Variants in ATXN7 observed in about 807,000 individuals in gnomAD.
The protein encoded by ATXN7 is ataxin-7.
A neutral mutation model predicts 70.5 loss-of-function variants in ATXN7; 12 were observed. The ratio of observed to expected loss-of-function variants is 0.17; its 90% CI spans 0.11 to 0.28. ATXN7 has a LOEUF of 0.28. ATXN7 is among the 10% of genes least tolerant of loss of function. The pLI is 1.00. For synonymous variants in ATXN7, 498 were observed against 448.7 expected (o/e 1.11, Z -1.39); for missense variants, 1,256 against 1,131.7 (o/e 1.11, Z -1.58).
intron 12 of ATXN7, among the ~76,000 whole-genome samples, chr3:63,996,993 A>G (rs910355475): frequency 6.6e-6 from 1 of 152,244 alleles, no homozygotes; most frequent in East Asian, 1.9e-4. Flanking sequence ...GCAGCGGCTC[A>G]CGCCTATAAT....
rs543778563 is a variant in ATXN7 at position 63,997,525 on chromosome 3, C to G, written c.2661+1042C>G. 68 of 1,037,126 alleles carry G rather than the reference C, an allele frequency of 6.6e-5. No individual in the cohort carries two copies. In the African/African-American group the frequency reaches 1.0e-3, roughly 15 times the overall value. The allele number at this position is 1,037,126 out of a possible 1,614,324, so 64.2% of individuals were successfully genotyped here. A position where few individuals can be genotyped will look rare whatever the true frequency, so the allele number is the denominator to read the frequency against. Reference sequence around the variant, plus strand: ...GCTGTATTTTTGTCTCGTCCCAGCTCTTCTGCCTGTTACTGACCTCACCTG... The same window carrying G: ...GCTGTATTTTTGTCTCGTCCCAGCTGTTCTGCCTGTTACTGACCTCACCTG... On this transcript the variant is annotated intron_variant, in intron 12 of 12. Coordinates refer to ENST00000674280, the MANE Select transcript of ATXN7 (RefSeq NM_001377405.1).
chr3:63,866,908 G>A (rs1023211949), intron 1 of ATXN7: 1 of 150,578 alleles, frequency 6.6e-6, no homozygotes, highest in African/African-American at 2.4e-5. Flanking sequence ...TTCAGACTTT[G>A]AACTTGTATG....
intron 1 of ATXN7, among the ~76,000 whole-genome samples, chr3:63,872,905 C>T (rs1177795772): frequency 1.3e-5 from 2 of 151,978 alleles, no homozygotes; most frequent in Non-Finnish European, 2.9e-5. Context: ...GTAACCTGCC[C>T]TAGAGCTTTT....
intron 1 of ATXN7, among the ~76,000 whole-genome samples, chr3:63,884,459 A>AG (rs1703019644): frequency 1.3e-5 from 2 of 152,166 alleles, no homozygotes; most frequent in Non-Finnish European, 2.9e-5. Context: ...TCATATAAAC[A>AG]TATAAACAAA....
chr3:63,879,097 C>A (rs1702831613), intron 1 of ATXN7, among the ~76,000 whole-genome samples: 1 of 152,120 alleles, frequency 6.6e-6, no homozygotes, highest in African/African-American at 2.4e-5. Context: ...ATTTCACTTT[C>A]ATCATTTTAT....
chr3:63,912,661 CGG>C lies in ATXN7; in HGVS notation c.64_65del (p.Gly22SerfsTer66). 1 of 1,042,664 alleles carries C rather than the reference CGG, an allele frequency of 9.6e-7. No individual in the cohort carries two copies. The highest frequency in any genetic ancestry group is 1.2e-6 in the Non-Finnish European group (1 of 864,908). 64.6% of individuals were successfully genotyped at this position (1,042,664 alleles called of 1,614,324 possible). On this transcript the variant is annotated frameshift_variant, in exon 3 of 13. Transcript: ENST00000674280. LOFTEE classifies it high-confidence loss of function. ...EPRRAAAAAGGAAAAAARQQQ... is the reference protein window; with the variant it reads ...EPRRAAAAAGXAAAAAARQQQ... ...CGCGCCGCGCGGCGGCGGCGGCGGG[CGG>C]AGCAGCGGCCGCGGCCGCCCGGCAG...
At chr3:63,940,031 TAAG>T (rs1385168925) in intron 4 of ATXN7, among the ~76,000 whole-genome samples, 2 of 151,910 alleles carry the variant, frequency 1.3e-5, no homozygotes, top group African/African-American at 2.4e-5. Context: ...CAACTGGGGC[TAAG>T]AAGAGGCTGA....
At chr3:63,975,921 G>T (rs566584831) in intron 5 of ATXN7, among the ~76,000 whole-genome samples, 6 of 152,344 alleles carry the variant, frequency 3.9e-5, no homozygotes, top group Admixed American at 3.3e-4. Flanking sequence ...TCTTGTGTCT[G>T]TACTTGTCTG....
intron 2 of ATXN7, chr3:63,901,420 T>A (rs1041478218): frequency 6.6e-5 from 10 of 152,178 alleles, no homozygotes; most frequent in Non-Finnish European, 1.5e-4. Flanking sequence ...ACCCCTCACC[T>A]CTATCCTCTG....
At chr3:63,990,941 T>G (rs1254085332) in intron 11 of ATXN7, 82 bp downstream of exon 11, 15 of 1,597,362 alleles carry the variant, frequency 9.4e-6, no homozygotes, top group Middle Eastern at 1.7e-4. Context: ...ACTGATGTTA[T>G]GAAGATATGC....
At chr3:63,984,798 T>G (rs1429365259) in intron 8 of ATXN7, among the ~76,000 whole-genome samples, 2 of 152,230 alleles carry the variant, frequency 1.3e-5, no homozygotes, top group Non-Finnish European at 2.9e-5. Flanking sequence ...CGCTCTCCCT[T>G]CAGCCGCTGG....
intron 1 of ATXN7, among the ~76,000 whole-genome samples, chr3:63,893,532 T>A (rs1389637528): frequency 6.6e-6 from 1 of 152,176 alleles, no homozygotes; most frequent in East Asian, 1.9e-4. Context: ...CTGAACATTG[T>A]GTAGGTATAT....
At chr3:63,914,946 T>C (rs1704203923) in intron 4 of ATXN7, among the ~76,000 whole-genome samples, 1 of 152,174 alleles carries the variant, frequency 6.6e-6, no homozygotes, top group Non-Finnish European at 1.5e-5. Context: ...AGACGGAGTC[T>C]CACTCTGTGG....
At chr3:63,970,195 T>G (rs2075287889) in intron 5 of ATXN7, among the ~76,000 whole-genome samples, 1 of 152,220 alleles carries the variant, frequency 6.6e-6, no homozygotes, top group African/African-American at 2.4e-5. Context: ...GTTGGATGGT[T>G]GTGTTAACAC....
rs1041585799 is a variant in ATXN7 at position 64,001,785 on chromosome 3, T to G, written c.*2318T>G. 1 of 152,216 alleles carries G rather than the reference T, an allele frequency of 6.6e-6. No individual in the cohort carries two copies. The highest frequency in any genetic ancestry group is 2.4e-5 in the African/African-American group (1 of 41,454). 9.4% of individuals were successfully genotyped at this position (152,216 alleles called of 1,614,324 possible). A position where few individuals can be genotyped will look rare whatever the true frequency, so the allele number is the denominator to read the frequency against. Reference sequence around the variant, plus strand: ...AATTTTAGACTGTTGTTCAAATATTTTATTTTCTCCTAAACTACTTTTTAT... The same window carrying G: ...AATTTTAGACTGTTGTTCAAATATTGTATTTTCTCCTAAACTACTTTTTAT... On this transcript the variant is annotated 3_prime_UTR_variant, in exon 13 of 13. Transcript: ENST00000674280.
chr3:63,999,578 C>T lies in ATXN7; in HGVS notation c.*111C>T. 6.4e-7 allele frequency: 1 copy of T among 1,556,874 alleles called. No homozygotes were observed. The highest frequency in any genetic ancestry group is 1.7e-4 in the Middle Eastern group (1 of 5,998). ...CCTTTGAGTCTGTTTTCCCAACCTCCTGTGGGCCTCAAGGGTAGAAACCTG... is the reference window on the plus strand; with the variant it reads ...CCTTTGAGTCTGTTTTCCCAACCTCTTGTGGGCCTCAAGGGTAGAAACCTG... On this transcript the variant is annotated 3_prime_UTR_variant, in exon 13 of 13. Transcript: ENST00000674280.
intron 5 of ATXN7, among the ~76,000 whole-genome samples, chr3:63,953,909 A>G (rs961438963): frequency 6.6e-6 from 1 of 152,150 alleles, no homozygotes; most frequent in African/African-American, 2.4e-5. Flanking sequence ...CTGCCTCCCA[A>G]AGTGCTAGGA....
At chr3:63,924,929 C>A (rs72880336) in intron 4 of ATXN7, among the ~76,000 whole-genome samples, 1 of 152,074 alleles carries the variant, frequency 6.6e-6, no homozygotes, top group African/African-American at 2.4e-5. Context: ...GTTTGTCTGC[C>A]ACTGGGAATG....
In ATXN7 at chr3:63,980,026, A is replaced by C. The variant is rs2075459002; in HGVS notation, c.611A>C (p.Asn204Thr). 6.2e-7 allele frequency: 1 copy of C among 1,614,060 alleles called. No homozygotes were observed. The highest frequency in any genetic ancestry group is 8.5e-7 in the Non-Finnish European group (1 of 1,180,038). Reference sequence around the variant, plus strand: ...AAAGGAGGCAGTGCAAGTGGAAGCAACCGTTCTTCCAGTGGAGGTGTTCTT... The same window carrying C: ...AAAGGAGGCAGTGCAAGTGGAAGCACCCGTTCTTCCAGTGGAGGTGTTCTT... ...KSKGGSASGS[N>T]RSSSGGVLSA... is the part of the protein sequence containing the mutation. Residue 204 changes from asparagine to threonine, a missense_variant, in exon 6 of 13, where the codon AAC (asparagine) becomes ACC (threonine). Physicochemically the swap from Asn to Thr is moderately conservative, Grantham distance 65. Transcript: ENST00000674280.
Sources: gnomAD v4.1 joint callset for allele counts (sites outside exome capture counted in the v4.1 genomes callset) on GRCh38, gnomAD v4.1.1 for gene constraint, MANE v1.5 for transcripts, NCBI Gene and HGNC (gene_info 2026-07-23, HGNC 2026-07-21) for gene names.